Variants in KPNA1 observed in about 807,000 individuals in gnomAD.
The protein encoded by KPNA1 is importin subunit alpha-5.
In KPNA1, 10 loss-of-function variants were observed where a neutral mutation model predicts 70.5. The ratio of observed to expected loss-of-function variants is 0.14; its 90% CI spans 0.09 to 0.24. The LOEUF (loss-of-function observed/expected upper bound fraction) is 0.24. Ranked by LOEUF, KPNA1 falls within the 10% of genes least tolerant of loss-of-function variation. KPNA1 has a pLI of 1.00. For missense variants in KPNA1, 397 were observed against 637.9 expected, an observed-to-expected ratio of 0.62 and a Z score of 4.07; for synonymous variants, 192 against 221.9, an observed-to-expected ratio of 0.87 and a Z score of 1.20.
chr3:122,485,905 G>A (rs576712514), intron 2 of KPNA1, among the ~76,000 whole-genome samples: 9 of 152,146 alleles, frequency 5.9e-5, no homozygotes, highest in Non-Finnish European at 1.3e-4. Context: ...TTTATTAGGT[G>A]AATGAAAACT....
chr3:122,430,807 C>CTA, intron 12 of KPNA1, among the ~76,000 whole-genome samples: 1 of 152,154 alleles, frequency 6.6e-6, no homozygotes, highest in Non-Finnish European at 1.5e-5. Context: ...TGAACCTAGA[C>CTA]ACAGGCCTTA....
At chr3:122,458,605 C>G (rs1332911819) in intron 5 of KPNA1, among the ~76,000 whole-genome samples, 1 of 152,194 alleles carries the variant, frequency 6.6e-6, no homozygotes, top group Non-Finnish European at 1.5e-5. Context: ...GCATGACTCT[C>G]CTTCTGGAAG....
intron 12 of KPNA1, among the ~76,000 whole-genome samples, chr3:122,428,853 G>T (rs2075859604): frequency 6.6e-6 from 1 of 152,144 alleles, no homozygotes; most frequent in Admixed American, 6.5e-5. Flanking sequence ...AAACAGTGGG[G>T]ATACTTCTTA....
At position 122,466,957 on chromosome 3, in the gene KPNA1, C is replaced by T. The variant is rs112090210; in HGVS notation, c.237+365G>A. On this transcript the variant is annotated intron_variant, in intron 3 of 13. Transcript: ENST00000344337. ...TCGAGGTTGCAGTGACCTACGATTGCGCCACTGCACTCCAACCTGGGCAAC... is the reference window on the plus strand; with the variant it reads ...TCGAGGTTGCAGTGACCTACGATTGTGCCACTGCACTCCAACCTGGGCAAC... Among the ~76,000 whole-genome samples the T allele has an allele frequency of 2.9e-4, 44 of 151,504 alleles. 1 individual carries two copies. The highest frequency in any genetic ancestry group is 1.6e-3 in the Admixed American group (25 of 15,202).
chr3:122,490,199 T>C lies in KPNA1; in HGVS notation c.129+6238A>G, dbSNP rs189876535. Among the ~76,000 whole-genome samples, 21 of 152,376 alleles carry C rather than the reference T, an allele frequency of 1.4e-4. No homozygotes were observed. The East Asian group carries it at 2.9e-3, about 21-fold the overall frequency. On this transcript the variant is annotated intron_variant, in intron 2 of 13. Coordinates refer to ENST00000344337, the MANE Select transcript of KPNA1 (RefSeq NM_002264.4). ...CAATATACAGGTCTCTCTTCTTTGA[T>C]ATTCCATCCTACGAAACTCTATTTG...
chr3:122,506,873 T>C (rs979592195), intron 1 of KPNA1, among the ~76,000 whole-genome samples: 1 of 152,202 alleles, frequency 6.6e-6, no homozygotes, highest in African/African-American at 2.4e-5. Context: ...GTCAAGGATC[T>C]GGAGAACTCA....
chr3:122,512,179 A>G (rs1235206147), intron 1 of KPNA1, among the ~76,000 whole-genome samples: 1 of 152,068 alleles, frequency 6.6e-6, no homozygotes, highest in Non-Finnish European at 1.5e-5. Flanking sequence ...ATGGCTTACA[A>G]AACAAAAATA....
In KPNA1 at chr3:122,495,726, C is replaced by CAAAAAA. The variant is rs397876048; in HGVS notation, c.129+705_129+710dup. 1.3e-4 allele frequency among the ~76,000 whole-genome samples: 9 copies of CAAAAAA among 67,938 alleles called. 1 individual carries two copies. The highest frequency in any genetic ancestry group is 3.9e-4 in the East Asian group (1 of 2,564). 44.6% of individuals were successfully genotyped at this position (67,938 alleles called of 152,430 possible). On this transcript the variant is annotated intron_variant, in intron 2 of 13. Transcript: ENST00000344337. ...TTCAGGCTCCAAAGTCTCTCCTTAG[C>CAAAAAA]AAAAAAAAAAAAAAAAAAAAAGTCA... is the stretch of plus-strand genomic sequence containing the variant.
chr3:122,500,642 G>A (rs2076817543), intron 1 of KPNA1, among the ~76,000 whole-genome samples: 1 of 151,902 alleles, frequency 6.6e-6, no homozygotes, highest in South Asian at 2.1e-4. Context: ...GACTACAGGT[G>A]CATGCCCAGA....
rs1339090181 is a variant in KPNA1 at position 122,440,624 on chromosome 3, A to G, written c.996+1414T>C. Among the ~76,000 whole-genome samples the G allele has an allele frequency of 2.0e-5, 3 of 152,232 alleles. No homozygotes were observed. In the East Asian group the frequency reaches 5.8e-4, roughly 29 times the overall value. The stretch of plus-strand genomic sequence containing the variant: ...AACCAGTTCCCCTCAAAGACAACCA[A>G]CATTTTCAGTTCCCTGTATATCCTT... On this transcript the variant is annotated intron_variant, in intron 10 of 13. Transcript: ENST00000344337.
Position 122,496,575 on chromosome 3 carries a change from A to G in KPNA1, c.-5-5T>C. 1 of 1,612,804 alleles carries G rather than the reference A, an allele frequency of 6.2e-7. No individual in the cohort carries two copies. Among genetic ancestry groups the G allele is most frequent in the Non-Finnish European group, 8.5e-7 (1 of 1,179,190 alleles). Reference sequence around the variant, plus strand: ...TTCCTGGGGTGGTCATGATTTCTACAATACAAGTGGGGAGAGAACAAATGA... The same window carrying G: ...TTCCTGGGGTGGTCATGATTTCTACGATACAAGTGGGGAGAGAACAAATGA... On this transcript the variant is annotated splice_polypyrimidine_tract_variant and splice_region_variant and intron_variant, in intron 1 of 13. Transcript: ENST00000344337.
intron 2 of KPNA1, among the ~76,000 whole-genome samples, chr3:122,489,091 C>A: frequency 1.2e-5 from 1 of 85,228 alleles, no homozygotes. Context: ...TGTGTCAGGG[C>A]AGGGCGGGGG....
At chr3:122,474,149 T>C (rs893410812) in intron 2 of KPNA1, among the ~76,000 whole-genome samples, 1 of 151,996 alleles carries the variant, frequency 6.6e-6, no homozygotes, top group Non-Finnish European at 1.5e-5. Flanking sequence ...TAACAAAACA[T>C]ATACGAGATT....
At chr3:122,495,056 C>T (rs1000032121) in intron 2 of KPNA1, among the ~76,000 whole-genome samples, 5 of 152,096 alleles carry the variant, frequency 3.3e-5, no homozygotes, top group African/African-American at 1.2e-4. Context: ...TCAAGACCAT[C>T]CTGGCCAAGA....
intron 12 of KPNA1, chr3:122,433,365 G>A: frequency 3.9e-6 from 1 of 259,628 alleles, no homozygotes; most frequent in Non-Finnish European, 7.2e-6. Flanking sequence ...GTTGAAGCAA[G>A]GATTTCTATT....
intron 1 of KPNA1, among the ~76,000 whole-genome samples, chr3:122,506,039 T>C (rs992376966): frequency 6.6e-6 from 1 of 152,196 alleles, no homozygotes; most frequent in African/African-American, 2.4e-5. Context: ...CAAGATCCTT[T>C]TGTCTGGATT....
chr3:122,437,139 C>A, intron 11 of KPNA1, 31 bp downstream of exon 11: 3 of 1,589,522 alleles, frequency 1.9e-6, no homozygotes, highest in Non-Finnish European at 2.6e-6. Flanking sequence ...AATAAAAATA[C>A]TGAAAGAGAA....
chr3:122,509,480 G>C (rs1161750533), intron 1 of KPNA1, among the ~76,000 whole-genome samples: 1 of 152,078 alleles, frequency 6.6e-6, no homozygotes, highest in Non-Finnish European at 1.5e-5. Context: ...TCAATTCCTA[G>C]GGAATGAAAA....
intron 9 of KPNA1, 60 bp downstream of exon 9, chr3:122,449,514 C>A: frequency 7.6e-7 from 1 of 1,309,294 alleles, no homozygotes; most frequent in Non-Finnish European, 1.1e-6. Context: ...TAAGTATTAG[C>A]AGCTAGAAAA....
Sources: allele counts gnomAD v4.1 joint callset (sites outside exome capture counted in the v4.1 genomes callset), GRCh38; gene constraint gnomAD v4.1.1; transcripts MANE v1.5; gene names NCBI Gene and HGNC (gene_info 2026-07-23, HGNC 2026-07-21).